Variants in MRGBP observed in about 807,000 individuals in gnomAD.
MRGBP encodes MRG/MORF4L-binding protein.
In MRGBP, 5 loss-of-function variants were observed where a neutral mutation model predicts 21.5. That is an observed-to-expected ratio of 0.23 (90% CI 0.12 to 0.49). The LOEUF is 0.49. MRGBP is among the 20% of genes least tolerant of loss of function. The probability of loss-of-function intolerance (pLI) is 0.98; values close to 1 mark genes in which losing one functional copy is unlikely to be tolerated. For synonymous variants in MRGBP, 118 were observed against 104.4 expected, an observed-to-expected ratio of 1.13 and a Z score of -0.79; for missense variants, 227 against 277.4, an observed-to-expected ratio of 0.82 and a Z score of 1.29.
At position 62,799,710 on chromosome 20, in the gene MRGBP, T is replaced by C; in HGVS notation, c.*67T>C. On this transcript the variant is annotated 3_prime_UTR_variant, in exon 5 of 5. Coordinates refer to ENST00000370487, the MANE Select transcript of MRGBP (RefSeq NM_018270.6). The stretch of plus-strand genomic sequence containing the variant: ...GTGGTCGCTGAGGGGGTTGGCTGGG[T>C]CTGAGTGCCACCCCCCAGGCCACAG... 1 of 1,510,890 alleles carries C rather than the reference T, an allele frequency of 6.6e-7. No individual in the cohort carries two copies. Among genetic ancestry groups the C allele is most frequent in the African/African-American group, 1.4e-5 (1 of 72,596 alleles). 93.6% of individuals were successfully genotyped at this position (1,510,890 alleles called of 1,614,324 possible).
At chr20:62,798,538 C>G (rs371337407) in intron 2 of MRGBP, 49 bp from the exon 3 acceptor site, 3 of 1,520,472 alleles carry the variant, frequency 2.0e-6, no homozygotes, top group South Asian at 2.2e-5. Context: ...CTTCTTGAAA[C>G]TGCATCTTCA....
chr20:62,796,683 G>T lies in MRGBP; in HGVS notation c.148+12G>T. On this transcript the variant is annotated intron_variant, in intron 1 of 4. Transcript: ENST00000370487. ...CCACAAGCCCGTCGGTGAGCGCCCA[G>T]GCTGCGGACGCGCGTGGGGGCGGGG... 7.8e-7 allele frequency: 1 copy of T among 1,286,068 alleles called. No homozygotes were observed. Among genetic ancestry groups the T allele is most frequent in the African/African-American group, 1.6e-5 (1 of 62,886 alleles). The allele number at this position is 1,286,068 out of a possible 1,614,324, so 79.7% of individuals were successfully genotyped here. A position where few individuals can be genotyped will look rare whatever the true frequency, so the allele number is the denominator to read the frequency against.
Position 62,801,230 on chromosome 20 carries a change from G to C in MRGBP, c.*1587G>C, listed in dbSNP as rs1990455478. 6.6e-6 allele frequency: 1 copy of C among 152,254 alleles called. No individual in the cohort carries two copies. Among genetic ancestry groups the C allele is most frequent in the Admixed American group, 6.5e-5 (1 of 15,284 alleles). The allele number at this position is 152,254 out of a possible 1,614,324, so 9.4% of individuals were successfully genotyped here. A position where few individuals can be genotyped will look rare whatever the true frequency, so the allele number is the denominator to read the frequency against. On this transcript the variant is annotated 3_prime_UTR_variant, in exon 5 of 5. Transcript: ENST00000370487. ...CTGCCTGAGCTGTATTCCAAGGGTA[G>C]AGCAGCTGCCTGGGGGGACCCTGTG...
At chr20:62,798,531 C>G (rs1990385069) in intron 2 of MRGBP, 56 bp from the exon 3 acceptor site, 3 of 1,496,942 alleles carry the variant, frequency 2.0e-6, no homozygotes, top group African/African-American at 2.7e-5. Flanking sequence ...CTAGTGACTT[C>G]TTGAAACTGC....
intron 2 of MRGBP, 108 bp downstream of exon 2, chr20:62,797,339 T>C (rs1990360221): frequency 7.1e-7 from 1 of 1,400,258 alleles, no homozygotes; most frequent in Non-Finnish European, 9.4e-7. Context: ...TCTGCTGGGG[T>C]CTGCTGGGCA....
intron 4 of MRGBP, 38 bp from the exon 5 acceptor site, chr20:62,799,418 A>C (rs1455599561): frequency 6.3e-6 from 10 of 1,590,588 alleles, no homozygotes; most frequent in Non-Finnish European, 7.7e-6. Context: ...AAGATTCTGG[A>C]TATTCTGTTT....
chr20:62,796,844 C>G (rs1419924979), intron 1 of MRGBP, among the ~76,000 whole-genome samples, 173 bp downstream of exon 1: 3 of 138,768 alleles, frequency 2.2e-5, no homozygotes, highest in African/African-American at 8.1e-5. Flanking sequence ...CCTTCGGACC[C>G]CGCCCCGGAC....
In MRGBP at chr20:62,798,954, CG is replaced by C. The variant is rs756050824; in HGVS notation, c.353-20del. On this transcript the variant is annotated intron_variant, in intron 3 of 4. Transcript: ENST00000370487. ...GCCACCACCGTGGGTTTTCGGTGAGCGTCAGCTGTCTCCTCCACAGGAAAAG... is the reference window on the plus strand; with the variant it reads ...GCCACCACCGTGGGTTTTCGGTGAGCTCAGCTGTCTCCTCCACAGGAAAAG... The C allele has an allele frequency of 1.2e-5, 20 of 1,613,124 alleles. No homozygotes were observed. Among genetic ancestry groups the C allele is most frequent in the Admixed American group, 1.7e-5 (1 of 59,998 alleles).
Position 62,796,490 on chromosome 20 carries a change from C to A in MRGBP, c.-34C>A, listed in dbSNP as rs1342385414. ...CGGAGCTCGTGGCCGCGCCTGCTCCCGCCGGGGGCTCCTTGCTCGGCCGGG... is the reference window on the plus strand; with the variant it reads ...CGGAGCTCGTGGCCGCGCCTGCTCCAGCCGGGGGCTCCTTGCTCGGCCGGG... On this transcript the variant is annotated 5_prime_UTR_variant, in exon 1 of 5. Coordinates refer to ENST00000370487, the MANE Select transcript of MRGBP (RefSeq NM_018270.6). 1 of 1,114,108 alleles carries A rather than the reference C, an allele frequency of 9.0e-7. No individual in the cohort carries two copies. The highest frequency in any genetic ancestry group is 1.1e-6 in the Non-Finnish European group (1 of 912,512). The allele number at this position is 1,114,108 out of a possible 1,614,324, so 69.0% of individuals were successfully genotyped here. A position where few individuals can be genotyped will look rare whatever the true frequency, so the allele number is the denominator to read the frequency against.
In MRGBP at chr20:62,799,578, G is replaced by A. The variant is rs746011813; in HGVS notation, c.550G>A (p.Asp184Asn). The stretch of plus-strand genomic sequence containing the variant: ...CAAGCGGAAGCGCAGCCGGGTCACC[G>A]ACAAAGTCCTGACCGCAAACAGCAA... ...ADKRKRSRVTDKVLTANSNPS... is the reference protein window; with the variant it reads ...ADKRKRSRVTNKVLTANSNPS... Residue 184 changes from aspartate to asparagine, a missense_variant, in exon 5 of 5, where the codon GAC (aspartate) becomes AAC (asparagine). Transcript: ENST00000370487. 4.3e-6 allele frequency: 7 copies of A among 1,613,618 alleles called. No homozygotes were observed. The highest frequency in any genetic ancestry group is 5.9e-6 in the Non-Finnish European group (7 of 1,180,018).
rs894721886 is a variant in MRGBP at position 62,799,726 on chromosome 20, C to T, written c.*83C>T. The T allele has an allele frequency of 2.1e-6, 3 of 1,430,022 alleles. No homozygotes were observed. 88.6% of individuals were successfully genotyped at this position (1,430,022 alleles called of 1,614,324 possible). ...TTGGCTGGGTCTGAGTGCCACCCCC[C>T]AGGCCACAGTGATACCATCCCAGTG... On this transcript the variant is annotated 3_prime_UTR_variant, in exon 5 of 5. Transcript: ENST00000370487.
Position 62,800,424 on chromosome 20 carries a change from CAG to C in MRGBP, c.*785_*786del, listed in dbSNP as rs1990433635. ...TTGCTCAGTTTTTATATGCCAGATA[CAG>C]AGAATTTGTAGCGGTTATTTTTGTA... On this transcript the variant is annotated 3_prime_UTR_variant, in exon 5 of 5. Coordinates refer to ENST00000370487, the MANE Select transcript of MRGBP (RefSeq NM_018270.6). 1 of 152,440 alleles carries C rather than the reference CAG, an allele frequency of 6.6e-6. No homozygotes were observed. Among genetic ancestry groups the C allele is most frequent in the African/African-American group, 2.4e-5 (1 of 41,402 alleles). 9.4% of individuals were successfully genotyped at this position (152,440 alleles called of 1,614,324 possible).
At position 62,799,197 on chromosome 20, in the gene MRGBP, C is replaced by T. The variant is rs982345739; in HGVS notation, c.427+148C>T. On this transcript the variant is annotated intron_variant, in intron 4 of 4. Coordinates refer to ENST00000370487, the MANE Select transcript of MRGBP (RefSeq NM_018270.6). ...TAGGCACAGGATGGATCCTGCAGTG[C>T]CCCCTCCCCAGGAGCTGAGTGCCTG... 4.6e-5 allele frequency: 41 copies of T among 888,556 alleles called. No homozygotes were observed. In the South Asian group the frequency reaches 6.9e-4, roughly 15 times the overall value. The allele number at this position is 888,556 out of a possible 1,614,324, so 55.0% of individuals were successfully genotyped here.
rs1426140088 is a variant in MRGBP at position 62,800,137 on chromosome 20, GC to G, written c.*495del. On this transcript the variant is annotated 3_prime_UTR_variant, in exon 5 of 5. Coordinates refer to ENST00000370487, the MANE Select transcript of MRGBP (RefSeq NM_018270.6). Reference sequence around the variant, plus strand: ...TGTCCCGCTGCAAGCCTCTTTCTGCGCTGACTGTGACATTGGAACGTGGCCT... The same window carrying G: ...TGTCCCGCTGCAAGCCTCTTTCTGCGTGACTGTGACATTGGAACGTGGCCT... 6.5e-6 allele frequency: 1 copy of G among 153,558 alleles called. No homozygotes were observed. The allele number at this position is 153,558 out of a possible 1,614,324, so 9.5% of individuals were successfully genotyped here.
chr20:62,800,467 C>T lies in MRGBP; in HGVS notation c.*824C>T, dbSNP rs1342556341. ...TATTTTTGTATGATCTAGTAACTTG[C>T]AAACAGACCAAATGGATGAGAGGCG... On this transcript the variant is annotated 3_prime_UTR_variant, in exon 5 of 5. Transcript: ENST00000370487. 2 of 152,340 alleles carry T rather than the reference C, an allele frequency of 1.3e-5. No homozygotes were observed. The highest frequency in any genetic ancestry group is 4.8e-5 in the African/African-American group (2 of 41,404). 9.4% of individuals were successfully genotyped at this position (152,340 alleles called of 1,614,324 possible). A position where few individuals can be genotyped will look rare whatever the true frequency, so the allele number is the denominator to read the frequency against.
At chr20:62,799,368 C>T in intron 4 of MRGBP, 88 bp from the exon 5 acceptor site, 1 of 1,386,436 alleles carries the variant, frequency 7.2e-7, no homozygotes, top group Non-Finnish European at 9.9e-7. Flanking sequence ...GGTCACGTGT[C>T]AGTATGCAGA....
In MRGBP at chr20:62,801,357, CTG is replaced by C. The variant is rs554679481; in HGVS notation, c.*1715_*1716del. On this transcript the variant is annotated 3_prime_UTR_variant, in exon 5 of 5. Coordinates refer to ENST00000370487, the MANE Select transcript of MRGBP (RefSeq NM_018270.6). ...GGCCCCACACACATAGACCAAAGGA[CTG>C]AGCCCGCCTGGCATTCCTCCACTCA... 450 of 152,470 alleles carry C rather than the reference CTG, an allele frequency of 3.0e-3. 3 individuals are homozygous for C. Among genetic ancestry groups the C allele is most frequent in the Non-Finnish European group, 4.7e-3 (319 of 68,112 alleles). 9.4% of individuals were successfully genotyped at this position (152,470 alleles called of 1,614,324 possible). A position where few individuals can be genotyped will look rare whatever the true frequency, so the allele number is the denominator to read the frequency against.
Position 62,800,262 on chromosome 20 carries a change from T to A in MRGBP, c.*619T>A, listed in dbSNP as rs181179214. 55 of 152,642 alleles carry A rather than the reference T, an allele frequency of 3.6e-4. No homozygotes were observed. The highest frequency in any genetic ancestry group is 2.7e-3 in the East Asian group (14 of 5,188). The allele number at this position is 152,642 out of a possible 1,614,324, so 9.5% of individuals were successfully genotyped here. On this transcript the variant is annotated 3_prime_UTR_variant, in exon 5 of 5. Coordinates refer to ENST00000370487, the MANE Select transcript of MRGBP (RefSeq NM_018270.6). ...GCCTCATTCACTTGTACTGTAACAA[T>A]GTATATAATTTGGTTGGTATTTCAC...
At chr20:62,798,732 A>C (rs1568731741) in intron 3 of MRGBP, 64 bp downstream of exon 3, 1 of 1,597,856 alleles carries the variant, frequency 6.3e-7, no homozygotes, top group East Asian at 2.2e-5. Context: ...AAGGGCAGGG[A>C]GGTGAGGGTG....
Sources: allele counts gnomAD v4.1 joint callset (sites outside exome capture counted in the v4.1 genomes callset), GRCh38; gene constraint gnomAD v4.1.1; transcripts MANE v1.5; gene names NCBI Gene and HGNC (gene_info 2026-07-23, HGNC 2026-07-21).